WWP2: variants seen among roughly 807,000 people sequenced by gnomAD.
The protein encoded by WWP2 is WW domain containing E3 ubiquitin protein ligase 2, also known as NEDD4-like E3 ubiquitin-protein ligase WWP2.
Under a neutral mutation model 121.0 loss-of-function variants are expected in WWP2, and 57 were observed. The observed-to-expected ratio is 0.47, with a 90% confidence interval of 0.38 to 0.59. The LOEUF (loss-of-function observed/expected upper bound fraction) is 0.59. WWP2 is among the 20% of genes least tolerant of loss of function. The pLI, the probability that WWP2 is intolerant of heterozygous loss-of-function variation, is 0.00. For synonymous variants in WWP2, 449 were observed against 441.3 expected (o/e 1.02, Z -0.22); for missense variants, 962 against 1,158.9 (o/e 0.83, Z 2.47).
chr16:69,850,196 C>G (rs1167134059), intron 6 of WWP2, among the ~76,000 whole-genome samples: 2 of 152,088 alleles, frequency 1.3e-5, no homozygotes, highest in African/African-American at 4.8e-5. Context: ...ACCATCCTGG[C>G]TAACACGGTG....
chr16:69,924,591 G>A (rs901253563), intron 10 of WWP2, among the ~76,000 whole-genome samples: 4 of 151,924 alleles, frequency 2.6e-5, no homozygotes, highest in African/African-American at 7.3e-5. Flanking sequence ...TGGAGGGGGT[G>A]TGGGGGGGAT....
Position 69,854,892 on chromosome 16 carries a change from G to A in WWP2, c.575+12772G>A, listed in dbSNP as rs138285181. Among the ~76,000 whole-genome samples, 1,210 of 152,046 alleles carry A rather than the reference G, an allele frequency of 8.0e-3. 18 individuals carry two copies. The highest frequency in any genetic ancestry group is 0.027 in the African/African-American group (1,103 of 41,450). ...AAATTTTGAGACAGGGTCTTGTTCTGTCATCCAGGCTAGAGTACAGTGGTG... is the reference window on the plus strand; with the variant it reads ...AAATTTTGAGACAGGGTCTTGTTCTATCATCCAGGCTAGAGTACAGTGGTG... On this transcript the variant is annotated intron_variant, in intron 6 of 23. Coordinates refer to ENST00000359154, the MANE Select transcript of WWP2 (RefSeq NM_001270454.2).
At chr16:69,787,668 G>C (rs145033404) in intron 2 of WWP2, among the ~76,000 whole-genome samples, 7 of 152,276 alleles carry the variant, frequency 4.6e-5, no homozygotes, top group African/African-American at 1.2e-4. Context: ...ACCTGCACTC[G>C]CTCCCTAGGT....
chr16:69,816,774 CATACACAT>C (rs1009038732), intron 4 of WWP2, among the ~76,000 whole-genome samples: 11 of 152,178 alleles, frequency 7.2e-5, no homozygotes, highest in African/African-American at 2.2e-4. Flanking sequence ...CACATACACA[CATACACAT>C]ATACACACAC....
rs546355862 is a variant in WWP2, at chr16:69,810,112, C to T, written c.340+10817C>T. On this transcript the variant is annotated intron_variant, in intron 4 of 23. Coordinates refer to ENST00000359154, the MANE Select transcript of WWP2 (RefSeq NM_001270454.2). Reference sequence around the variant, plus strand: ...GGCGATGGTTGCCCTAACTGACATTCTCCTCTTCCACGGACAGAATTCGTT... The same window carrying T: ...GGCGATGGTTGCCCTAACTGACATTTTCCTCTTCCACGGACAGAATTCGTT... Among the ~76,000 whole-genome samples the T allele has an allele frequency of 3.9e-5, 6 of 152,236 alleles. No homozygotes were observed. In the South Asian group the frequency reaches 1.0e-3, roughly 26 times the overall value.
rs2057495466 is a variant in WWP2 at position 69,865,040 on chromosome 16, G to A, written c.576-6764G>A. Among the ~76,000 whole-genome samples the A allele has an allele frequency of 2.6e-5, 4 of 151,904 alleles. No homozygotes were observed. In the South Asian group the frequency reaches 8.3e-4, roughly 32 times the overall value. ...TATTTTCCCTCTGTAGATCTTCTTTGGTGATGTGTCTGTTCAAATCTTTTT... is the reference window on the plus strand; with the variant it reads ...TATTTTCCCTCTGTAGATCTTCTTTAGTGATGTGTCTGTTCAAATCTTTTT... On this transcript the variant is annotated intron_variant, in intron 6 of 23. Coordinates refer to ENST00000359154, the MANE Select transcript of WWP2 (RefSeq NM_001270454.2).
chr16:69,886,746 C>T (rs997245355), intron 7 of WWP2, among the ~76,000 whole-genome samples: 6 of 152,022 alleles, frequency 3.9e-5, no homozygotes, highest in Non-Finnish European at 8.8e-5. Flanking sequence ...GGTGACGGAG[C>T]GAGACTGTGT....
Position 69,933,985 on chromosome 16 carries a change from C to G in WWP2, c.1698C>G (p.Leu566=). 2 of 1,613,662 alleles carry G rather than the reference C, an allele frequency of 1.2e-6. No homozygotes were observed. The highest frequency in any genetic ancestry group is 2.2e-5 in the East Asian group (1 of 44,880). ...TCCCTCACAGAGAGTGGTTTTTCCT[C>G]CTGTCTCATGAGGTGCTCAACCCTA... is the stretch of plus-strand genomic sequence containing the variant. ...YGGIAREWFF[L]LSHEVLNPMY... Residue 566 remains leucine (L), a synonymous_variant, in exon 17 of 24, where the codon CTC becomes CTG. Coordinates refer to ENST00000359154, the MANE Select transcript of WWP2 (RefSeq NM_001270454.2).
intron 6 of WWP2, among the ~76,000 whole-genome samples, chr16:69,860,369 C>A (rs2057393494): frequency 6.6e-6 from 1 of 152,104 alleles, no homozygotes; most frequent in Non-Finnish European, 1.5e-5. Flanking sequence ...TGCTGAGTCT[C>A]CAGAGGTTCA....
In WWP2 at chr16:69,823,118, G is replaced by A. The variant is rs144202729; in HGVS notation, c.341-17008G>A. Among the ~76,000 whole-genome samples the A allele has an allele frequency of 1.8e-3, 279 of 152,264 alleles. 3 individuals are homozygous for A. Among genetic ancestry groups the A allele is most frequent in the African/African-American group, 6.2e-3 (259 of 41,534 alleles). On this transcript the variant is annotated intron_variant, in intron 4 of 23. Coordinates refer to ENST00000359154, the MANE Select transcript of WWP2 (RefSeq NM_001270454.2). The stretch of plus-strand genomic sequence containing the variant: ...TGCACTCCAGCCTGCGCAACAGAGC[G>A]AGACTGTGTCTCAAAAAAGAAAAAA...
At chr16:69,914,640 C>A (rs2058453594) in intron 9 of WWP2, among the ~76,000 whole-genome samples, 1 of 152,092 alleles carries the variant, frequency 6.6e-6, no homozygotes, top group Non-Finnish European at 1.5e-5. Context: ...GCCTGTAGTC[C>A]TAGCTACTTG....
Position 69,871,929 on chromosome 16 carries a change from C to T in WWP2, c.701C>T (p.Thr234Ile), listed in dbSNP as rs1265732945. ...NSGHSGLANG[T>I]VNDEPTTATD... is the part of the protein sequence containing the mutation. ...GGCCACAGTGGCTTGGCCAATGGCA[C>T]AGGTGAGTGATGGCACCGCACGCCA... is the stretch of plus-strand genomic sequence containing the variant. Residue 234 changes from threonine (T) to isoleucine (I), a missense_variant and splice_region_variant, in exon 7 of 24, where the codon ACA becomes ATA. Physicochemically the swap from Thr to Ile is moderately conservative, Grantham distance 89. Around this residue, in one of 3 missense-constraint regions of WWP2, gnomAD observed 211 missense variants for 196.5 expected, o/e 1.07. Transcript: ENST00000359154. The T allele has an allele frequency of 6.2e-7, 1 of 1,613,300 alleles. No individual in the cohort carries two copies. The highest frequency in any genetic ancestry group is 8.5e-7 in the Non-Finnish European group (1 of 1,179,714).
intron 1 of WWP2, among the ~76,000 whole-genome samples, chr16:69,771,693 TTC>T (rs945641046): frequency 2.0e-5 from 3 of 152,220 alleles, no homozygotes; most frequent in East Asian, 1.9e-4. Context: ...AATTCTCTTT[TTC>T]TCTCTGTTTG....
intron 4 of WWP2, among the ~76,000 whole-genome samples, chr16:69,812,475 C>G (rs1042680897): frequency 3.0e-5 from 4 of 133,626 alleles, no homozygotes; most frequent in Admixed American, 2.1e-4. Context: ...CCAACCCCCC[C>G]CCTTTTTTTT....
rs1304518367 is a variant in WWP2, at chr16:69,930,205, C to T, written c.1392C>T (p.Asp464=). The T allele has an allele frequency of 3.1e-6, 5 of 1,613,894 alleles. No individual in the cohort carries two copies. The highest frequency in any genetic ancestry group is 4.2e-6 in the Non-Finnish European group (5 of 1,179,970). ...GCGAGGGGGTGCGATACTTTGTGGACCACAATACCCGCACCACCACCTTTA... is the reference window on the plus strand; with the variant it reads ...GCGAGGGGGTGCGATACTTTGTGGATCACAATACCCGCACCACCACCTTTA... ...YTSEGVRYFV[D]HNTRTTTFKD... is the part of the protein sequence containing the mutation. The change falls in exon 13 of 24, where the codon GAC becomes GAT. Residue 464 remains aspartate, a synonymous_variant. Coordinates refer to ENST00000359154, the MANE Select transcript of WWP2 (RefSeq NM_001270454.2).
At chr16:69,919,476 A>AT (rs2058526215) in intron 10 of WWP2, among the ~76,000 whole-genome samples, 1 of 151,874 alleles carries the variant, frequency 6.6e-6, no homozygotes, top group South Asian at 2.1e-4. Flanking sequence ...CCACATTTAA[A>AT]TTTTCTCGTC....
In WWP2 at chr16:69,888,221, G is replaced by C. The variant is rs778905446; in HGVS notation, c.886G>C (p.Ala296Pro). 3.7e-6 allele frequency: 6 copies of C among 1,613,988 alleles called. No individual in the cohort carries two copies. In the African/African-American group the frequency reaches 8.0e-5, roughly 22 times the overall value. ...TSGTQQLPAAAQAPDALPAGW... is the reference protein window; with the variant it reads ...TSGTQQLPAAPQAPDALPAGW... ...GGGTACACAGCAGCTCCCAGCGGCT[G>C]CCCAGGCCCCCGACGCTCTGCCTGC... is the stretch of plus-strand genomic sequence containing the variant. The change falls in exon 8 of 24, where the codon GCC (alanine) becomes CCC (proline). Residue 296 changes from alanine (A) to proline (P), a missense_variant. By Grantham distance (27) the Ala-to-Pro change is conservative. Coordinates refer to ENST00000359154, the MANE Select transcript of WWP2 (RefSeq NM_001270454.2).
intron 4 of WWP2, among the ~76,000 whole-genome samples, chr16:69,832,598 G>A (rs1031489336): frequency 2.6e-5 from 4 of 152,160 alleles, no homozygotes; most frequent in East Asian, 3.9e-4. Context: ...CCGGAGTGCA[G>A]TGACATGGAT....
At chr16:69,785,800 G>A (rs1200507149) in intron 1 of WWP2, among the ~76,000 whole-genome samples, 2 of 151,378 alleles carry the variant, frequency 1.3e-5, no homozygotes, top group Non-Finnish European at 2.9e-5. Flanking sequence ...CAAATTTGTT[G>A]TTTTTTAGTA....
Sources: allele counts gnomAD v4.1 joint callset (sites outside exome capture counted in the v4.1 genomes callset), GRCh38; gene constraint gnomAD v4.1.1; regional missense constraint gnomAD v4.1.1; transcripts MANE v1.5; gene names NCBI Gene and HGNC (gene_info 2026-07-23, HGNC 2026-07-21).